The following CEP83 variants were observed in gnomAD, a reference collection of about 807,000 sequenced individuals.
The protein encoded by CEP83 is centrosomal protein 83.
In CEP83, 70 loss-of-function variants were observed where a neutral mutation model predicts 101.9. The ratio of observed to expected loss-of-function variants is 0.69; its 90% CI spans 0.57 to 0.84. CEP83 has a LOEUF of 0.84. Among genes scored for constraint, CEP83 ranks in the 40% least tolerant of loss-of-function variants. The pLI is 0.00. For missense variants in CEP83, 715 were observed against 787.2 expected, an observed-to-expected ratio of 0.91 and a Z score of 1.10; for synonymous variants, 264 against 267.9, an observed-to-expected ratio of 0.99 and a Z score of 0.14.
intron 9 of CEP83, 186 bp from the exon 10 acceptor site, chr12:94,368,387 C>T: frequency 3.7e-6 from 2 of 546,222 alleles, no homozygotes; most frequent in East Asian, 6.1e-5. Flanking sequence ...CAGGCTAAAA[C>T]TCAGAGCAAA....
intron 11 of CEP83, among the ~76,000 whole-genome samples, chr12:94,358,828 AC>A (rs1565981650): frequency 1.3e-5 from 2 of 152,272 alleles, no homozygotes; most frequent in South Asian, 4.1e-4. Context: ...GTTGGGAGCA[AC>A]CCCCCAAAGT....
intron 11 of CEP83, among the ~76,000 whole-genome samples, chr12:94,354,781 G>A (rs1381537376): frequency 6.6e-6 from 1 of 152,130 alleles, no homozygotes; most frequent in Non-Finnish European, 1.5e-5. Flanking sequence ...GCAGGCTGAG[G>A]CAGGAGGATC....
chr12:94,285,184 C>T, the CEP83 span, among the ~76,000 whole-genome samples: 2 of 152,154 alleles, frequency 1.3e-5, no homozygotes, highest in Non-Finnish European at 2.9e-5. Flanking sequence ...GGAGCAGCTT[C>T]CCAGCACACC....
chr12:94,431,172 C>T (rs1454933013), intron 2 of CEP83, among the ~76,000 whole-genome samples: 1 of 152,070 alleles, frequency 6.6e-6, no homozygotes, highest in African/African-American at 2.4e-5. Context: ...TTGACAAAGG[C>T]ACTAAGGACA....
At chr12:94,274,907 A>T in the CEP83 span, among the ~76,000 whole-genome samples, 1 of 152,216 alleles carries the variant, frequency 6.6e-6, no homozygotes, top group African/African-American at 2.4e-5. Flanking sequence ...ATACAAATAC[A>T]CACACGTCAT....
At chr12:94,445,054 T>C (rs2066697667) in intron 1 of CEP83, among the ~76,000 whole-genome samples, 1 of 151,762 alleles carries the variant, frequency 6.6e-6, no homozygotes, top group South Asian at 2.1e-4. Context: ...AAGAACAAAG[T>C]TAGAAGACTT....
intron 11 of CEP83, among the ~76,000 whole-genome samples, chr12:94,359,392 GACTA>G (rs1369580268): frequency 6.6e-6 from 1 of 152,026 alleles, no homozygotes; most frequent in Non-Finnish European, 1.5e-5. Context: ...ACATTAGCTA[GACTA>G]ACTAAAAGTG....
chr12:94,272,253 C>T, the CEP83 span: 1 of 152,330 alleles, frequency 6.6e-6, no homozygotes. Flanking sequence ...TGAGTTCTCT[C>T]CCTGGTGGCA....
rs2061509288 is a variant in CEP83 at position 94,375,899 on chromosome 12, G to A, written c.920C>T (p.Thr307Ile). The change falls in exon 8 of 17, where the codon ACA (threonine) becomes ATA (isoleucine). Residue 307 changes from threonine (T) to isoleucine (I), a missense_variant. Transcript: ENST00000397809. ...AAAACAACTTACTTTACTGGACAAT[G>A]TATTTATTTCTCGTTCAGCTTTATG... Reference protein sequence around the residue: ...KLHKAEREINTLSSKVKELKH... With the variant: ...KLHKAEREINILSSKVKELKH... 1 of 1,482,090 alleles carries A rather than the reference G, an allele frequency of 6.7e-7. No homozygotes were observed. The highest frequency in any genetic ancestry group is 9.2e-7 in the Non-Finnish European group (1 of 1,092,018). 91.8% of individuals were successfully genotyped at this position (1,482,090 alleles called of 1,614,324 possible).
At chr12:94,268,818 C>T in the CEP83 span, among the ~76,000 whole-genome samples, 1 of 152,038 alleles carries the variant, frequency 6.6e-6, no homozygotes, top group Non-Finnish European at 1.5e-5. Flanking sequence ...TGGTCTTGAA[C>T]TCCTGGCCTC....
chr12:94,369,819 T>C (rs539906903), intron 9 of CEP83, 103 bp downstream of exon 9: 7 of 660,800 alleles, frequency 1.1e-5, no homozygotes, highest in East Asian at 2.6e-5. Flanking sequence ...CTAAATTAAG[T>C]TGAAAATTTG....
intron 14 of CEP83, among the ~76,000 whole-genome samples, chr12:94,325,011 C>G (rs2058910672): frequency 6.6e-6 from 1 of 152,152 alleles, no homozygotes; most frequent in Non-Finnish European, 1.5e-5. Flanking sequence ...AGATTCCTGC[C>G]TCTCTTGTAC....
intron 14 of CEP83, among the ~76,000 whole-genome samples, chr12:94,323,758 T>C (rs909166513): frequency 1.3e-4 from 20 of 152,354 alleles, no homozygotes; most frequent in African/African-American, 4.6e-4. Context: ...CATCTGTTCC[T>C]GACCTTGGGT....
chr12:94,268,612 T>TTTTTTA, the CEP83 span, among the ~76,000 whole-genome samples: 6 of 130,704 alleles, frequency 4.6e-5, no homozygotes, highest in African/African-American at 1.8e-4. Flanking sequence ...TTTTTTTTTT[T>TTTTTTA]AATTTAAGGA....
intron 2 of CEP83, among the ~76,000 whole-genome samples, chr12:94,429,366 T>A (rs998779577): frequency 6.6e-6 from 1 of 152,168 alleles, no homozygotes; most frequent in Non-Finnish European, 1.5e-5. Context: ...GGGAACTGCA[T>A]GAAGAGTGCA....
chr12:94,346,574 G>A (rs1028982838), intron 11 of CEP83, among the ~76,000 whole-genome samples: 6 of 152,122 alleles, frequency 3.9e-5, no homozygotes, highest in Non-Finnish European at 8.8e-5. Flanking sequence ...AAACCTGGTC[G>A]ATCAGAAGTT....
intron 8 of CEP83, among the ~76,000 whole-genome samples, chr12:94,374,556 T>C (rs2061443581): frequency 6.6e-6 from 1 of 152,230 alleles, no homozygotes; most frequent in Admixed American, 6.5e-5. Context: ...GTTGAATATA[T>C]AATCTACTTA....
rs182889216 is a variant in CEP83, at chr12:94,454,794, G to A, written c.-155+4763C>T. On this transcript the variant is annotated intron_variant, in intron 1 of 16. Coordinates refer to ENST00000397809, the MANE Select transcript of CEP83 (RefSeq NM_016122.3). ...CCCACCGGGAGGAATGAACAATGCC[G>A]GACGCGCCACCTTTAAGAGCTGTAA... 2.6e-4 allele frequency among the ~76,000 whole-genome samples: 40 copies of A among 151,634 alleles called. No homozygotes were observed. In the East Asian group the frequency reaches 3.7e-3, roughly 14 times the overall value.
At chr12:94,428,828 C>G (rs1465727050) in intron 2 of CEP83, among the ~76,000 whole-genome samples, 3 of 152,188 alleles carry the variant, frequency 2.0e-5, no homozygotes, top group Admixed American at 1.3e-4. Flanking sequence ...TCAAGTCAAG[C>G]ACACTTCTCA....
Sources: allele counts gnomAD v4.1 joint callset (sites outside exome capture counted in the v4.1 genomes callset), GRCh38; gene constraint gnomAD v4.1.1; transcripts MANE v1.5; gene names NCBI Gene and HGNC (gene_info 2026-07-23, HGNC 2026-07-21).